Variants in AGBL1 observed in about 807,000 individuals in gnomAD.
AGBL1 encodes cytosolic carboxypeptidase 4.
Under a neutral mutation model 118.9 loss-of-function variants are expected in AGBL1, and 130 were observed. That is an observed-to-expected ratio of 1.09 (90% CI 0.95 to 1.26). The LOEUF is 1.26. AGBL1 is among the 50% of genes most tolerant of loss of function. AGBL1 has a pLI of 0.00. For missense variants in AGBL1, 1,584 were observed against 1,298.1 expected, an observed-to-expected ratio of 1.22 and a Z score of -3.38; for synonymous variants, 555 against 478.9, an observed-to-expected ratio of 1.16 and a Z score of -2.08.
Position 86,926,437 on chromosome 15 carries a change from C to G in AGBL1, c.3222-61550C>G, listed in dbSNP as rs2080540792. ...TAGCTTAGTATACCTGCCATGTAAA[C>G]AACCTCCTTTTAAGAGACTCCATAC... On this transcript the variant is annotated intron_variant, in intron 23 of 24. Transcript: ENST00000441037. 2.6e-5 allele frequency among the ~76,000 whole-genome samples: 4 copies of G among 152,160 alleles called. No homozygotes were observed. The South Asian group carries it at 8.3e-4, about 32-fold the overall frequency.
chr15:86,147,611 C>T (rs2077050403), intron 3 of AGBL1, among the ~76,000 whole-genome samples: 1 of 152,204 alleles, frequency 6.6e-6, no homozygotes, highest in Non-Finnish European at 1.5e-5. Flanking sequence ...CGGGAAGCTC[C>T]AACTGGGTAG....
At chr15:86,616,251 C>T (rs1295318230) in intron 21 of AGBL1, among the ~76,000 whole-genome samples, 1 of 151,258 alleles carries the variant, frequency 6.6e-6, no homozygotes, top group African/African-American at 2.4e-5. Flanking sequence ...GCAGGAGAAT[C>T]GCTTGAACCC....
intron 18 of AGBL1, among the ~76,000 whole-genome samples, chr15:86,491,547 T>G (rs2142142654): frequency 6.6e-6 from 1 of 152,172 alleles, no homozygotes; most frequent in East Asian, 1.9e-4. Flanking sequence ...AAGAGAGTTT[T>G]AAAGTTAAGA....
intron 22 of AGBL1, among the ~76,000 whole-genome samples, chr15:86,738,442 TC>T (rs753872268): frequency 7.2e-5 from 11 of 151,982 alleles, no homozygotes; most frequent in Non-Finnish European, 1.5e-4. Flanking sequence ...AGTCAAATTG[TC>T]CCTCTTGCAA....
intron 22 of AGBL1, among the ~76,000 whole-genome samples, chr15:86,832,617 A>G (rs2079120780): frequency 6.6e-6 from 1 of 152,142 alleles, no homozygotes; most frequent in Non-Finnish European, 1.5e-5. Context: ...CAGTTTCCAA[A>G]AAGTTCCTCA....
At chr15:86,802,517 A>G (rs185395335) in intron 22 of AGBL1, among the ~76,000 whole-genome samples, 68 of 152,274 alleles carry the variant, frequency 4.5e-4, no homozygotes, top group African/African-American at 1.6e-3. Context: ...ATGCGGTAAT[A>G]TAATTCTACC....
rs769267810 is a variant in AGBL1 at position 86,154,585 on chromosome 15, C to A, written c.394+24C>A. On this transcript the variant is annotated intron_variant, in intron 4 of 22. Coordinates refer to ENST00000614907, the MANE Select transcript of AGBL1 (RefSeq NM_001386094.1). ...TGGTAAGTGACTCTATTGTGGCTCT[C>A]GGGGATGGCTTCCAAACCTGGGCTG... 5 of 1,584,162 alleles carry A rather than the reference C, an allele frequency of 3.2e-6. No individual in the cohort carries two copies. The African/African-American group carries it at 4.1e-5, about 13-fold the overall frequency.
chr15:86,670,107 A>G (rs1463253929), intron 21 of AGBL1, among the ~76,000 whole-genome samples: 3 of 152,140 alleles, frequency 2.0e-5, no homozygotes, highest in Non-Finnish European at 4.4e-5. Context: ...ATTATTATAT[A>G]TAATACTGTC....
At chr15:86,349,162 T>G (rs911966682) in intron 17 of AGBL1, among the ~76,000 whole-genome samples, 1 of 152,194 alleles carries the variant, frequency 6.6e-6, no homozygotes, top group Admixed American at 6.5e-5. Flanking sequence ...TTAGAGACTT[T>G]GGAGGAAATA....
chr15:86,280,769 G>A (rs559839712), intron 16 of AGBL1, among the ~76,000 whole-genome samples: 22 of 152,134 alleles, frequency 1.4e-4, no homozygotes, highest in African/African-American at 4.3e-4. Flanking sequence ...TGAATTTTTC[G>A]CATAGAGAAG....
rs577701682 is a variant in AGBL1 at position 86,257,267 on chromosome 15, T to A, written c.901+249T>A. ...CTGTTTCTGCTTTGCTTGGTAGCTA[T>A]CAAATGCCTGTACAGTCATCTCAGC... On this transcript the variant is annotated intron_variant, in intron 8 of 22. Coordinates refer to ENST00000614907, the MANE Select transcript of AGBL1 (RefSeq NM_001386094.1). 3.9e-5 allele frequency among the ~76,000 whole-genome samples: 6 copies of A among 152,334 alleles called. No individual in the cohort carries two copies. The South Asian group carries it at 1.2e-3, about 32-fold the overall frequency.
In AGBL1 at chr15:87,010,732, G is replaced by C. The variant is rs139237008; in HGVS notation, c.3324-18093G>C. Among the ~76,000 whole-genome samples the C allele has an allele frequency of 2.5e-3, 385 of 152,268 alleles. 1 individual carries two copies. Among genetic ancestry groups the C allele is most frequent in the African/African-American group, 8.8e-3 (367 of 41,566 alleles). ...GACTAAGCTATGCTACAGCTGCCCT[G>C]GTTCTCTAGCTTGAAAATAGCCTAT... On this transcript the variant is annotated intron_variant, in intron 24 of 24. Transcript: ENST00000441037.
chr15:86,447,681 C>T (rs1459804619), intron 18 of AGBL1, among the ~76,000 whole-genome samples: 2 of 152,132 alleles, frequency 1.3e-5, no homozygotes, highest in Non-Finnish European at 2.9e-5. Flanking sequence ...TAAGCATGAA[C>T]CAGACACTAG....
At chr15:86,281,084 C>G (rs762450990) in intron 16 of AGBL1, among the ~76,000 whole-genome samples, 1 of 152,158 alleles carries the variant, frequency 6.6e-6, no homozygotes, top group South Asian at 2.1e-4. Context: ...AAACACTGCA[C>G]ATGAAAAGTC....
intron 5 of AGBL1, 118 bp from the exon 6 acceptor site, chr15:86,224,796 C>A: frequency 1.1e-6 from 1 of 912,170 alleles, no homozygotes; most frequent in Non-Finnish European, 1.8e-6. Context: ...AGATTGCCTG[C>A]TACCTGGTTA....
intron 1 of AGBL1, among the ~76,000 whole-genome samples, chr15:86,124,880 A>G (rs1898322471): frequency 6.6e-6 from 1 of 152,240 alleles, no homozygotes; most frequent in Admixed American, 6.5e-5. Flanking sequence ...GGGCACAATT[A>G]TAATTACTCT....
chr15:86,208,979 T>A (rs564467626), intron 5 of AGBL1, among the ~76,000 whole-genome samples: 1 of 152,226 alleles, frequency 6.6e-6, no homozygotes, highest in Non-Finnish European at 1.5e-5. Flanking sequence ...CTCTACAGAC[T>A]GCTTTAAATG....
At chr15:86,259,843 A>T (rs1269792386) in intron 9 of AGBL1, among the ~76,000 whole-genome samples, 1 of 152,112 alleles carries the variant, frequency 6.6e-6, no homozygotes, top group African/African-American at 2.4e-5. Flanking sequence ...AGTGTCACCC[A>T]CTTCATGTAT....
chr15:86,959,756 T>C (rs763686917), intron 23 of AGBL1, among the ~76,000 whole-genome samples: 2 of 152,082 alleles, frequency 1.3e-5, no homozygotes, highest in African/African-American at 2.4e-5. Context: ...TTTGCTTCAA[T>C]ACCCTTTCAC....
Sources: allele counts gnomAD v4.1 joint callset (sites outside exome capture counted in the v4.1 genomes callset), GRCh38; gene constraint gnomAD v4.1.1; transcripts MANE v1.5; gene names NCBI Gene and HGNC (gene_info 2026-07-23, HGNC 2026-07-21).